LPAR1: variants seen among roughly 807,000 people sequenced by gnomAD.
The protein encoded by LPAR1 is lysophosphatidic acid receptor 1.
LPAR1 carries 5 observed loss-of-function variants against 23.8 expected under a neutral mutation model. The observed-to-expected ratio is 0.21, with a 90% CI of 0.11 to 0.44. LPAR1 has a LOEUF of 0.44. Ranked by LOEUF, LPAR1 falls within the 20% of genes least tolerant of loss-of-function variation. The pLI, the probability that LPAR1 is intolerant of heterozygous loss-of-function variation, is 0.99. For missense variants in LPAR1, 311 were observed against 482.8 expected, an observed-to-expected ratio of 0.64 and a Z score of 3.33; for synonymous variants, 160 against 164.7, an observed-to-expected ratio of 0.97 and a Z score of 0.22.
intron 5 of LPAR1, among the ~76,000 whole-genome samples, chr9:110,902,318 T>A (rs2133895690): frequency 6.6e-6 from 1 of 152,194 alleles, no homozygotes; most frequent in South Asian, 2.1e-4. Context: ...GTAGTTCCCA[T>A]AATCCCGCGT....
intron 5 of LPAR1, among the ~76,000 whole-genome samples, chr9:110,930,663 C>T (rs545506133): frequency 1.3e-5 from 2 of 151,372 alleles, no homozygotes; most frequent in East Asian, 2.0e-4. Context: ...CTTGGTAGCT[C>T]CCAGCACTTT....
intron 5 of LPAR1, among the ~76,000 whole-genome samples, chr9:110,915,279 G>A (rs769715307): frequency 2.6e-5 from 4 of 152,182 alleles, no homozygotes; most frequent in Non-Finnish European, 2.9e-5. Flanking sequence ...GCTCATGCCT[G>A]TAATCCCAGC....
chr9:111,027,415 G>C (rs1477024235), intron 2 of LPAR1, among the ~76,000 whole-genome samples: 1 of 152,152 alleles, frequency 6.6e-6, no homozygotes, highest in Non-Finnish European at 1.5e-5. Flanking sequence ...GCAAGAGGAT[G>C]GTTTGAGCCC....
At chr9:110,976,543 T>G (rs2096559374) in intron 2 of LPAR1, among the ~76,000 whole-genome samples, 1 of 151,996 alleles carries the variant, frequency 6.6e-6, no homozygotes, top group African/African-American at 2.4e-5. Context: ...GGATACCTGT[T>G]CTGCAACTCT....
chr9:110,953,514 T>C (rs1317259711), intron 4 of LPAR1, among the ~76,000 whole-genome samples: 3 of 151,972 alleles, frequency 2.0e-5, no homozygotes, highest in African/African-American at 7.3e-5. Context: ...AAATACAAAA[T>C]TAGCCGGGCA....
chr9:111,031,374 T>A, intron 2 of LPAR1, among the ~76,000 whole-genome samples: 1 of 126,734 alleles, frequency 7.9e-6, no homozygotes, highest in Non-Finnish European at 1.6e-5. Context: ...CTGGGTAATG[T>A]AGTGAGAGCC....
Position 110,956,041 on chromosome 9 carries a change from A to G in LPAR1, c.46-13873T>C, listed in dbSNP as rs556199067. Among the ~76,000 whole-genome samples, 5 of 152,294 alleles carry G rather than the reference A, an allele frequency of 3.3e-5. No homozygotes were observed. The South Asian group carries it at 6.2e-4, about 19-fold the overall frequency. On this transcript the variant is annotated intron_variant, in intron 4 of 5. Coordinates refer to ENST00000683809, the MANE Select transcript of LPAR1 (RefSeq NM_001351411.2). ...CCCAAATAAATAGAAGAAAAAAAAT[A>G]ATAAAGATTAGGGCATAAAAAAAGG...
chr9:110,877,239 GGAAAT>G (rs1033856338), intron 5 of LPAR1, among the ~76,000 whole-genome samples: 1 of 152,062 alleles, frequency 6.6e-6, no homozygotes, highest in Non-Finnish European at 1.5e-5. Flanking sequence ...TTTTCAGCAG[GGAAAT>G]GAAAATAAAG....
chr9:110,940,968 C>A (rs1184031499), intron 5 of LPAR1, among the ~76,000 whole-genome samples: 1 of 152,108 alleles, frequency 6.6e-6, no homozygotes, highest in Non-Finnish European at 1.5e-5. Context: ...TGATATACTA[C>A]CTATAATGTA....
intron 4 of LPAR1, among the ~76,000 whole-genome samples, chr9:110,964,006 T>C (rs1457790586): frequency 1.3e-5 from 2 of 152,216 alleles, no homozygotes; most frequent in Non-Finnish European, 2.9e-5. Flanking sequence ...CTGCAATTAA[T>C]TGTTCACATT....
At chr9:110,960,949 A>G (rs1281384822) in intron 4 of LPAR1, among the ~76,000 whole-genome samples, 1 of 152,172 alleles carries the variant, frequency 6.6e-6, no homozygotes, top group East Asian at 1.9e-4. Context: ...CCATTAGGCC[A>G]TTTTGCTGAA....
intron 2 of LPAR1, among the ~76,000 whole-genome samples, chr9:111,020,203 T>C (rs751446533): frequency 2.0e-4 from 31 of 152,208 alleles, no homozygotes; most frequent in Non-Finnish European, 4.3e-4. Flanking sequence ...ATCCAGTCCA[T>C]AGCAAATGTT....
chr9:111,011,138 A>G (rs2097323944), intron 2 of LPAR1, among the ~76,000 whole-genome samples: 1 of 152,142 alleles, frequency 6.6e-6, no homozygotes, highest in Non-Finnish European at 1.5e-5. Flanking sequence ...AAGTGTATGT[A>G]GTGGGTGTAA....
At chr9:110,930,227 T>A (rs1055999281) in intron 5 of LPAR1, among the ~76,000 whole-genome samples, 16 of 152,142 alleles carry the variant, frequency 1.1e-4, no homozygotes, top group Non-Finnish European at 2.2e-4. Context: ...TAGAAATGAA[T>A]CCCTTTCCAC....
intron 5 of LPAR1, among the ~76,000 whole-genome samples, chr9:110,923,838 C>T (rs1192745521): frequency 1.3e-5 from 2 of 152,172 alleles, no homozygotes; most frequent in Non-Finnish European, 1.5e-5. Context: ...TTAATCACCA[C>T]GCTGTCTTTT....
At chr9:110,886,797 C>T (rs146221762) in intron 5 of LPAR1, among the ~76,000 whole-genome samples, 114 of 152,052 alleles carry the variant, frequency 7.5e-4, no homozygotes, top group African/African-American at 2.6e-3. Flanking sequence ...GCAAAATTTC[C>T]CCCTTATTTA....
chr9:110,999,766 C>T (rs542883643), intron 2 of LPAR1, among the ~76,000 whole-genome samples: 4 of 152,190 alleles, frequency 2.6e-5, no homozygotes, highest in South Asian at 2.1e-4. Flanking sequence ...GCTGGAGTGG[C>T]GCGATCTACC....
chr9:110,932,443 A>G (rs2094468630), intron 5 of LPAR1, among the ~76,000 whole-genome samples: 1 of 152,272 alleles, frequency 6.6e-6, no homozygotes, highest in South Asian at 2.1e-4. Flanking sequence ...GCTAGAGAAC[A>G]GCAATCAGGT....
intron 2 of LPAR1, among the ~76,000 whole-genome samples, chr9:111,002,215 T>A (rs1803768542): frequency 2.0e-5 from 3 of 152,200 alleles, no homozygotes. Flanking sequence ...CGCAGGAACA[T>A]TCAATTCCAG....
Sources: gnomAD v4.1 joint callset for allele counts (sites outside exome capture counted in the v4.1 genomes callset) on GRCh38, gnomAD v4.1.1 for gene constraint, MANE v1.5 for transcripts, NCBI Gene and HGNC (gene_info 2026-07-23, HGNC 2026-07-21) for gene names.